GALNT18: variants seen among roughly 807,000 people sequenced by gnomAD.
GALNT18 encodes the protein polypeptide N-acetylgalactosaminyltransferase 18.
In GALNT18, 44 loss-of-function variants were observed where a neutral mutation model predicts 69.5. The observed-to-expected ratio is 0.63, with a 90% CI of 0.50 to 0.81. The LOEUF is 0.81. Among genes scored for constraint, GALNT18 ranks in the 40% least tolerant of loss-of-function variants. The pLI is 0.00. For missense variants in GALNT18, 715 were observed against 810.0 expected (o/e 0.88, Z 1.42); for synonymous variants, 364 against 318.2 (o/e 1.14, Z -1.53).
chr11:11,426,873 T>G (rs1855145157), intron 3 of GALNT18, among the ~76,000 whole-genome samples: 1 of 152,096 alleles, frequency 6.6e-6, no homozygotes. Flanking sequence ...ACATTCCAGG[T>G]GGAGAAAACA....
chr11:11,366,307 G>A (rs891977671), intron 6 of GALNT18, among the ~76,000 whole-genome samples: 8 of 152,062 alleles, frequency 5.3e-5, no homozygotes, highest in Non-Finnish European at 8.8e-5. Flanking sequence ...AGTTAAGCAC[G>A]ACTATAATAC....
intron 10 of GALNT18, among the ~76,000 whole-genome samples, chr11:11,284,350 G>C (rs776459353): frequency 1.3e-5 from 2 of 152,166 alleles, no homozygotes; most frequent in African/African-American, 2.4e-5. Flanking sequence ...TTAAACTATA[G>C]ATCACTGCCC....
chr11:11,288,286 G>A lies in GALNT18; in HGVS notation c.1677+4743C>T, dbSNP rs12294353. On this transcript the variant is annotated intron_variant, in intron 10 of 10. Transcript: ENST00000227756. ...CTAAATTCTGCACACAACAGACAAT[G>A]GATTCCTACTACTAAAATATGCTCA... 7.2e-4 allele frequency among the ~76,000 whole-genome samples: 110 copies of A among 152,282 alleles called. 1 individual carries two copies. Among genetic ancestry groups the A allele is most frequent in the Middle Eastern group, 6.8e-3 (2 of 294 alleles).
chr11:11,294,625 A>AAC (rs1849363869), intron 9 of GALNT18, among the ~76,000 whole-genome samples: 1 of 145,408 alleles, frequency 6.9e-6, no homozygotes. Flanking sequence ...AAAAAAAAAA[A>AAC]CATAAACAAA....
chr11:11,532,373 A>G (rs1857674214), intron 1 of GALNT18, among the ~76,000 whole-genome samples: 1 of 152,194 alleles, frequency 6.6e-6, no homozygotes, highest in African/African-American at 2.4e-5. Flanking sequence ...GAGTCTTCGG[A>G]TAACTATCCT....
In GALNT18 at chr11:11,389,507, T is replaced by C. The variant is rs924603714; in HGVS notation, c.596-10243A>G. 1.3e-5 allele frequency among the ~76,000 whole-genome samples: 2 copies of C among 152,116 alleles called. No individual in the cohort carries two copies. The highest frequency in any genetic ancestry group is 6.5e-5 in the Admixed American group (1 of 15,268). On this transcript the variant is annotated intron_variant, in intron 3 of 10. Coordinates refer to ENST00000227756, the MANE Select transcript of GALNT18 (RefSeq NM_198516.3). This position sits in a 1 kb window ranked among gnomAD's most constrained non-coding sequence, Gnocchi z 4.3. ...GGGCAATGGACCAAACACTGTGAAATTACTTACAGAGCAAGAACTACTCCT... is the reference window on the plus strand; with the variant it reads ...GGGCAATGGACCAAACACTGTGAAACTACTTACAGAGCAAGAACTACTCCT...
chr11:11,484,040 G>T (rs562494274), intron 1 of GALNT18, among the ~76,000 whole-genome samples: 4 of 152,110 alleles, frequency 2.6e-5, no homozygotes, highest in African/African-American at 9.7e-5. Flanking sequence ...CTGTGCGGGG[G>T]ACTTTCCATG....
chr11:11,482,171 G>A (rs1329746187), intron 1 of GALNT18, among the ~76,000 whole-genome samples: 1 of 152,222 alleles, frequency 6.6e-6, no homozygotes, highest in African/African-American at 2.4e-5. Context: ...GGCCTTTGGT[G>A]TGGAGTACTC....
chr11:11,582,744 A>G lies in GALNT18; in HGVS notation c.235+38615T>C, dbSNP rs1231840413. Among the ~76,000 whole-genome samples the G allele has an allele frequency of 6.6e-6, 1 of 152,222 alleles. No homozygotes were observed. Among genetic ancestry groups the G allele is most frequent in the African/African-American group, 2.4e-5 (1 of 41,448 alleles). ...AACACAGCCTTTCAGCCCTCATCAA[A>G]GGTGATGCAACTTATTCTTCCTACA... is the stretch of plus-strand genomic sequence containing the variant. On this transcript the variant is annotated intron_variant, in intron 1 of 10. Transcript: ENST00000227756. The surrounding 1 kb of genome is among the most constrained non-coding windows in gnomAD (Gnocchi z 5.0).
At position 11,309,583 on chromosome 11, in the gene GALNT18, A is replaced by T. The variant is rs1849636359; in HGVS notation, c.1513-16390T>A. On this transcript the variant is annotated intron_variant, in intron 9 of 10. Coordinates refer to ENST00000227756, the MANE Select transcript of GALNT18 (RefSeq NM_198516.3). The surrounding 1 kb of genome is among the most constrained non-coding windows in gnomAD (Gnocchi z 4.6). Reference sequence around the variant, plus strand: ...CTCTATAGCCTTGTTCACCTTCTCCACACCTGTTCCCTGGAGGCTAGCACC... The same window carrying T: ...CTCTATAGCCTTGTTCACCTTCTCCTCACCTGTTCCCTGGAGGCTAGCACC... Among the ~76,000 whole-genome samples, 1 of 152,020 alleles carries T rather than the reference A, an allele frequency of 6.6e-6. No homozygotes were observed.
chr11:11,508,858 C>T (rs1326648189), intron 1 of GALNT18, among the ~76,000 whole-genome samples: 1 of 152,186 alleles, frequency 6.6e-6, no homozygotes. Context: ...CTCTTAAATG[C>T]TATGCAAGGG....
intron 1 of GALNT18, among the ~76,000 whole-genome samples, chr11:11,558,247 G>GT (rs368997805): frequency 6.6e-6 from 1 of 152,088 alleles, no homozygotes; most frequent in Non-Finnish European, 1.5e-5. Context: ...ATGTGGTAGG[G>GT]TTTTTTTCTC....
intron 3 of GALNT18, among the ~76,000 whole-genome samples, chr11:11,390,155 C>G (rs536910237): frequency 4.8e-4 from 73 of 152,316 alleles, no homozygotes; most frequent in South Asian, 2.7e-3. Context: ...ATCCTACCCC[C>G]AGTCCCCACC....
chr11:11,552,009 A>G (rs1858207852), intron 1 of GALNT18, among the ~76,000 whole-genome samples: 1 of 152,240 alleles, frequency 6.6e-6, no homozygotes, highest in Non-Finnish European at 1.5e-5. Context: ...GTCATCAGTT[A>G]AGGCTATTTT....
chr11:11,498,114 G>A (rs1856903414), intron 1 of GALNT18, among the ~76,000 whole-genome samples: 1 of 152,148 alleles, frequency 6.6e-6, no homozygotes. Flanking sequence ...CTAGGATTAT[G>A]TACATATGTC....
At chr11:11,441,700 G>A (rs1478831925) in intron 2 of GALNT18, among the ~76,000 whole-genome samples, 2 of 152,174 alleles carry the variant, frequency 1.3e-5, no homozygotes, top group Non-Finnish European at 2.9e-5. Flanking sequence ...AGCAGGTGAC[G>A]GCTCGTGAAT....
In GALNT18 at chr11:11,318,142, T is replaced by C. The variant is rs921620151; in HGVS notation, c.1512+8944A>G. Among the ~76,000 whole-genome samples the C allele has an allele frequency of 6.6e-6, 1 of 152,166 alleles. No homozygotes were observed. The highest frequency in any genetic ancestry group is 1.5e-5 in the Non-Finnish European group (1 of 68,030). ...GCCAGTGAAATGAGAGAGGAAGTGA[T>C]GGGAGACCCTTTTTGGCCTAGAAAG... On this transcript the variant is annotated intron_variant, in intron 9 of 10. Transcript: ENST00000227756. The surrounding 1 kb of genome is among the most constrained non-coding windows in gnomAD (Gnocchi z 5.1).
intron 1 of GALNT18, among the ~76,000 whole-genome samples, chr11:11,548,711 A>G (rs1052897425): frequency 6.6e-6 from 1 of 152,258 alleles, no homozygotes; most frequent in Non-Finnish European, 1.5e-5. Flanking sequence ...TGCACAATTT[A>G]TCACTTTTCC....
chr11:11,282,873 A>G (rs1186334204), intron 10 of GALNT18, among the ~76,000 whole-genome samples: 1 of 152,060 alleles, frequency 6.6e-6, no homozygotes, highest in Admixed American at 6.5e-5. Flanking sequence ...GCAGAAAAAT[A>G]AATTCCAAAG....
Sources: allele counts gnomAD v4.1 joint callset (sites outside exome capture counted in the v4.1 genomes callset), GRCh38; gene constraint gnomAD v4.1.1; non-coding constraint Gnocchi (gnomAD v3.1); transcripts MANE v1.5; gene names NCBI Gene and HGNC (gene_info 2026-07-23, HGNC 2026-07-21).